ITGA11: variants seen among roughly 807,000 people sequenced by gnomAD.
ITGA11 encodes the protein integrin subunit alpha 11.
ITGA11 carries 97 observed loss-of-function variants against 141.9 expected under a neutral mutation model. That is an observed-to-expected ratio of 0.68 (90% CI 0.58 to 0.81). The LOEUF is 0.81. ITGA11 is among the 30% of genes least tolerant of loss of function. ITGA11 has a pLI of 0.00. For missense variants in ITGA11, 1,387 were observed against 1,559.2 expected (o/e 0.89, Z 1.86); for synonymous variants, 658 against 624.6 (o/e 1.05, Z -0.80).
Position 68,325,287 on chromosome 15 carries a change from A to C in ITGA11, c.2212-46T>G. 1 of 1,298,944 alleles carries C rather than the reference A, an allele frequency of 7.7e-7. No individual in the cohort carries two copies. Among genetic ancestry groups the C allele is most frequent in the Admixed American group, 1.7e-5 (1 of 59,298 alleles). 80.5% of individuals were successfully genotyped at this position (1,298,944 alleles called of 1,614,324 possible). ...CAGCGGTGAGGGAGGAGAGAACGTC[A>C]TTTTATGAGCCAGGACCGTGGATGC... On this transcript the variant is annotated intron_variant, in intron 17 of 29. Transcript: ENST00000315757. This position sits in a 1 kb window ranked among gnomAD's most constrained non-coding sequence, Gnocchi z 5.5.
chr15:68,315,442 G>A (rs958863974), intron 22 of ITGA11, among the ~76,000 whole-genome samples: 1 of 152,222 alleles, frequency 6.6e-6, no homozygotes, highest in Non-Finnish European at 1.5e-5. Context: ...AATGAAGAGT[G>A]GTGGCAACAC....
chr15:68,331,123 G>A lies in ITGA11; in HGVS notation c.1771-12C>T, dbSNP rs771541887. The stretch of plus-strand genomic sequence containing the variant: ...GAGGCTGTGATTCTCTGCAGGGCGC[G>A]GGAAGAGAGGGGGAGGGCATGCACA... On this transcript the variant is annotated splice_polypyrimidine_tract_variant and intron_variant, in intron 14 of 29. Transcript: ENST00000315757. The A allele has an allele frequency of 1.6e-5, 26 of 1,580,334 alleles. No individual in the cohort carries two copies. The highest frequency in any genetic ancestry group is 1.3e-4 in the Admixed American group (7 of 54,790).
rs1893965671 is a variant in ITGA11, at chr15:68,326,162, G to C, written c.2211+492C>G. Among the ~76,000 whole-genome samples the C allele has an allele frequency of 6.6e-6, 1 of 152,214 alleles. No individual in the cohort carries two copies. The highest frequency in any genetic ancestry group is 2.1e-4 in the South Asian group (1 of 4,832). On this transcript the variant is annotated intron_variant, in intron 17 of 29. Coordinates refer to ENST00000315757, the MANE Select transcript of ITGA11 (RefSeq NM_001004439.2). This position sits in a 1 kb window ranked among gnomAD's most constrained non-coding sequence, Gnocchi z 6.8. Reference sequence around the variant, plus strand: ...GCTGGAGCTGTGAGCTGGGTATTTGGTATCTCTGGATGGAAGTAAACCTCT... The same window carrying C: ...GCTGGAGCTGTGAGCTGGGTATTTGCTATCTCTGGATGGAAGTAAACCTCT...
chr15:68,303,976 A>C lies in ITGA11; in HGVS notation c.3382-91T>G, dbSNP rs1595847138. 4 of 751,630 alleles carry C rather than the reference A, an allele frequency of 5.3e-6. No individual in the cohort carries two copies. The highest frequency in any genetic ancestry group is 5.3e-5 in the East Asian group (2 of 37,556). 46.6% of individuals were successfully genotyped at this position (751,630 alleles called of 1,614,324 possible). ...GGGCAGGAGGGTGGAGACAGCTGGCACCTGGTGGGGGAGCTGCATCCTCTT... is the reference window on the plus strand; with the variant it reads ...GGGCAGGAGGGTGGAGACAGCTGGCCCCTGGTGGGGGAGCTGCATCCTCTT... On this transcript the variant is annotated intron_variant, in intron 28 of 29. Transcript: ENST00000315757. This position sits in a 1 kb window ranked among gnomAD's most constrained non-coding sequence, Gnocchi z 5.3.
intron 7 of ITGA11, among the ~76,000 whole-genome samples, chr15:68,355,276 A>T (rs1420265451): frequency 6.6e-6 from 1 of 152,210 alleles, no homozygotes; most frequent in Non-Finnish European, 1.5e-5. Flanking sequence ...TGAGTAAGAC[A>T]GCCACCTTCA....
chr15:68,431,594 A>G (rs1897272059), intron 1 of ITGA11, among the ~76,000 whole-genome samples: 1 of 152,134 alleles, frequency 6.6e-6, no homozygotes, highest in Non-Finnish European at 1.5e-5. Flanking sequence ...GCAGGAGGGC[A>G]GCCAGGGCAC....
intron 7 of ITGA11, among the ~76,000 whole-genome samples, chr15:68,356,197 G>A (rs1366683362): frequency 1.3e-5 from 2 of 152,042 alleles, no homozygotes; most frequent in Non-Finnish European, 2.9e-5. Context: ...CTGGATTCAA[G>A]CAATTCTCCT....
chr15:68,358,477 A>G lies in ITGA11; in HGVS notation c.581T>C (p.Ile194Thr). ...FLINILKKFY[I>T]GPGQIQVGVV... is the part of the protein sequence containing the mutation. ...GCTCACCTGGATCTGCCCTGGGCCAATGTAAAACTTTTTCAGGATGTTGAT... is the reference window on the plus strand; with the variant it reads ...GCTCACCTGGATCTGCCCTGGGCCAGTGTAAAACTTTTTCAGGATGTTGAT... Residue 194 changes from isoleucine to threonine, a missense_variant, in exon 6 of 30, where the codon ATT (isoleucine) becomes ACT (threonine). Transcript: ENST00000315757. The G allele has an allele frequency of 6.2e-7, 1 of 1,612,366 alleles. No homozygotes were observed. Among genetic ancestry groups the G allele is most frequent in the Non-Finnish European group, 8.5e-7 (1 of 1,179,350 alleles).
At chr15:68,316,670 G>A (rs560987830) in intron 21 of ITGA11, among the ~76,000 whole-genome samples, 59 of 152,294 alleles carry the variant, frequency 3.9e-4, no homozygotes, top group Non-Finnish European at 6.2e-4. Context: ...CACTGCTGCC[G>A]CCTACTGGCT....
At chr15:68,427,126 G>A (rs1207928527) in intron 1 of ITGA11, among the ~76,000 whole-genome samples, 1 of 149,996 alleles carries the variant, frequency 6.7e-6, no homozygotes, top group African/African-American at 2.5e-5. Context: ...AACTTCCTAT[G>A]TGTAACCTGG....
At chr15:68,417,592 A>G (rs936078724) in intron 1 of ITGA11, among the ~76,000 whole-genome samples, 3 of 152,036 alleles carry the variant, frequency 2.0e-5, no homozygotes, top group African/African-American at 7.3e-5. Flanking sequence ...AGCCCCCGAG[A>G]GTTCCTCCAT....
intron 2 of ITGA11, among the ~76,000 whole-genome samples, chr15:68,384,968 C>T (rs1259060594): frequency 6.6e-6 from 1 of 152,226 alleles, no homozygotes; most frequent in Non-Finnish European, 1.5e-5. Flanking sequence ...GAGGCCCTTT[C>T]CTCAAAACCT....
chr15:68,420,847 T>C (rs562145872), intron 1 of ITGA11, among the ~76,000 whole-genome samples: 2 of 152,172 alleles, frequency 1.3e-5, no homozygotes, highest in South Asian at 4.1e-4. Flanking sequence ...ATAAAACAGG[T>C]AATAATGTGA....
At chr15:68,400,180 C>T (rs1373288579) in intron 2 of ITGA11, among the ~76,000 whole-genome samples, 2 of 152,052 alleles carry the variant, frequency 1.3e-5, no homozygotes, top group Non-Finnish European at 2.9e-5. Flanking sequence ...TAGTCTTTAA[C>T]AAATTGTGCC....
Position 68,328,043 on chromosome 15 carries a change from T to A in ITGA11, c.2068+53A>T. ...GCCCAGGCTTTGAAATAGAGCAAGG[T>A]GCAGGGGGAGACTGGAGTCTGGGGG... On this transcript the variant is annotated intron_variant, in intron 16 of 29. Transcript: ENST00000315757. The surrounding 1 kb of genome is among the most constrained non-coding windows in gnomAD (Gnocchi z 4.8). 6.5e-7 allele frequency: 1 copy of A among 1,544,058 alleles called. No homozygotes were observed. Among genetic ancestry groups the A allele is most frequent in the Non-Finnish European group, 8.8e-7 (1 of 1,137,838 alleles).
At chr15:68,374,569 G>A (rs2140367795) in intron 2 of ITGA11, among the ~76,000 whole-genome samples, 1 of 152,354 alleles carries the variant, frequency 6.6e-6, no homozygotes, top group African/African-American at 2.4e-5. Context: ...TAGAGGCAAG[G>A]GCTGGGGCTC....
chr15:68,345,193 C>A (rs1364003417), intron 10 of ITGA11, among the ~76,000 whole-genome samples: 3 of 152,122 alleles, frequency 2.0e-5, no homozygotes, highest in African/African-American at 7.2e-5. Flanking sequence ...CTCTTAGTGA[C>A]CTTTGCGTTC....
At chr15:68,365,313 A>C in intron 3 of ITGA11, 8 of 985,382 alleles carry the variant, frequency 8.1e-6, no homozygotes, top group Non-Finnish European at 9.6e-6. Flanking sequence ...AACAGAGCCA[A>C]CTCAACGAGA....
rs771208750 is a variant in ITGA11, at chr15:68,322,443, G to C, written c.2323-940C>G. 4.6e-5 allele frequency among the ~76,000 whole-genome samples: 7 copies of C among 152,126 alleles called. No homozygotes were observed. Among genetic ancestry groups the C allele is most frequent in the Non-Finnish European group, 7.4e-5 (5 of 68,016 alleles). ...GTAGTGGGCATGAGAGGAGGAAATA[G>C]GTTAGTGACCCCAGAGGCGGGATCA... On this transcript the variant is annotated intron_variant, in intron 18 of 29. Coordinates refer to ENST00000315757, the MANE Select transcript of ITGA11 (RefSeq NM_001004439.2). This position sits in a 1 kb window ranked among gnomAD's most constrained non-coding sequence, Gnocchi z 5.6.
Sources: gnomAD v4.1 joint callset for allele counts (sites outside exome capture counted in the v4.1 genomes callset) on GRCh38, gnomAD v4.1.1 for gene constraint, Gnocchi (gnomAD v3.1) non-coding constraint, MANE v1.5 for transcripts, NCBI Gene and HGNC (gene_info 2026-07-23, HGNC 2026-07-21) for gene names.